KCNJ2: variants seen among roughly 807,000 people sequenced by gnomAD.
KCNJ2 encodes inward rectifier potassium channel 2.
KCNJ2 carries 12 observed loss-of-function variants against 28.4 expected under a neutral mutation model. That is an observed-to-expected ratio of 0.42 (90% CI 0.27 to 0.68). The LOEUF (loss-of-function observed/expected upper bound fraction) is 0.68. Among genes scored for constraint, KCNJ2 ranks in the 30% least tolerant of loss-of-function variants. The probability of loss-of-function intolerance (pLI) is 0.23; values close to 1 mark genes in which losing one functional copy is unlikely to be tolerated. For missense variants in KCNJ2, 320 were observed against 551.3 expected (o/e 0.58, Z 4.20); for synonymous variants, 200 against 203.2 (o/e 0.98, Z 0.13).
Position 70,175,663 on chromosome 17 carries a change from G to A in KCNJ2, c.624G>A (p.Leu208=), listed in dbSNP as rs1166144106. The part of the protein sequence containing the change: ...NAVIAMRDGK[L]CLMWRVGNLR... Reference sequence around the variant, plus strand: ...TGATTGCCATGAGAGACGGCAAGCTGTGTTTGATGTGGCGAGTGGGCAATC... The same window carrying A: ...TGATTGCCATGAGAGACGGCAAGCTATGTTTGATGTGGCGAGTGGGCAATC... The change falls in exon 2 of 2, where the codon CTG becomes CTA. Residue 208 remains leucine (L), a synonymous_variant. Coordinates refer to ENST00000243457, the MANE Select transcript of KCNJ2 (RefSeq NM_000891.3). The surrounding 1 kb of genome is among the most constrained non-coding windows in gnomAD (Gnocchi z 8.3). 6.2e-7 allele frequency: 1 copy of A among 1,614,102 alleles called. No individual in the cohort carries two copies. The highest frequency in any genetic ancestry group is 1.3e-5 in the African/African-American group (1 of 74,934).
intron 1 of KCNJ2, among the ~76,000 whole-genome samples, chr17:70,173,854 G>A (rs1470439461): frequency 6.6e-6 from 1 of 152,072 alleles, no homozygotes; most frequent in African/African-American, 2.4e-5. Context: ...TTGGCACAAC[G>A]GTGCTTACTT....
rs1180590018 is a variant in KCNJ2 at position 70,174,126 on chromosome 17, C to T, written c.-216-698C>T. 2.0e-5 allele frequency among the ~76,000 whole-genome samples: 3 copies of T among 152,156 alleles called. No homozygotes were observed. In the East Asian group the frequency reaches 5.8e-4, roughly 29 times the overall value. ...TATTATAAGCAATAGGGGCAGTATT[C>T]ACCATCGTAGGAGGTTTTGTCCACT... On this transcript the variant is annotated intron_variant, in intron 1 of 1. Coordinates refer to ENST00000243457, the MANE Select transcript of KCNJ2 (RefSeq NM_000891.3).
rs1404477748 is a variant in KCNJ2 at position 70,178,737 on chromosome 17, A to G, written c.*2414A>G. 6.0e-6 allele frequency: 1 copy of G among 166,830 alleles called. No homozygotes were observed. Among genetic ancestry groups the G allele is most frequent in the East Asian group, 1.9e-4 (1 of 5,204 alleles). 10.3% of individuals were successfully genotyped at this position (166,830 alleles called of 1,614,324 possible). ...AAAAAATATAAAATTTCTGGTGCAC[A>G]GGTTTGTTTTTTCAAGAAAATTTTG... is the stretch of plus-strand genomic sequence containing the variant. On this transcript the variant is annotated 3_prime_UTR_variant, in exon 2 of 2. Transcript: ENST00000243457.
At position 70,174,867 on chromosome 17, in the gene KCNJ2, C is replaced by T; in HGVS notation, c.-173C>T. The T allele has an allele frequency of 4.4e-6, 3 of 682,486 alleles. No homozygotes were observed. In the Admixed American group the frequency reaches 6.3e-5, roughly 14 times the overall value. 42.3% of individuals were successfully genotyped at this position (682,486 alleles called of 1,614,324 possible). On this transcript the variant is annotated 5_prime_UTR_variant, in exon 2 of 2. Coordinates refer to ENST00000243457, the MANE Select transcript of KCNJ2 (RefSeq NM_000891.3). Reference sequence around the variant, plus strand: ...CAGCTGAGTCATTAAAGTAACTCTGCATGTCAGTAGACAGACCTTGGTAGA... The same window carrying T: ...CAGCTGAGTCATTAAAGTAACTCTGTATGTCAGTAGACAGACCTTGGTAGA...
At position 70,175,134 on chromosome 17, in the gene KCNJ2, A is replaced by G; in HGVS notation, c.95A>G (p.Asn32Ser). 1.9e-6 allele frequency: 3 copies of G among 1,614,172 alleles called. No homozygotes were observed. The highest frequency in any genetic ancestry group is 2.5e-6 in the Non-Finnish European group (3 of 1,180,020). ...ATMAVANGFG[N>S]GKSKVHTRQQ... is the part of the protein sequence containing the mutation. ...ATGGCAGTTGCAAATGGCTTTGGGA[A>G]CGGGAAGAGTAAAGTCCACACCCGA... Residue 32 changes from asparagine (N) to serine (S), a missense_variant, in exon 2 of 2, where the codon AAC becomes AGC. By Grantham distance (46) the Asn-to-Ser change is conservative (BLOSUM62 1). Around this residue, in one of 3 missense-constraint regions of KCNJ2, gnomAD observed 54 missense variants for 63.0 expected, o/e 0.86. Transcript: ENST00000243457. The surrounding 1 kb of genome is among the most constrained non-coding windows in gnomAD (Gnocchi z 8.3).
At position 70,179,657 on chromosome 17, in the gene KCNJ2, C is replaced by T. The variant is rs2074416101; in HGVS notation, c.*3334C>T. On this transcript the variant is annotated 3_prime_UTR_variant, in exon 2 of 2. Coordinates refer to ENST00000243457, the MANE Select transcript of KCNJ2 (RefSeq NM_000891.3). ...AGTTCTGTCCCGTAAATCATATTTC[C>T]CTTACAATTAATAAATGTCACTTCA... is the stretch of plus-strand genomic sequence containing the variant. 1 of 166,296 alleles carries T rather than the reference C, an allele frequency of 6.0e-6. No homozygotes were observed. The highest frequency in any genetic ancestry group is 1.5e-5 in the Non-Finnish European group (1 of 68,084). 10.3% of individuals were successfully genotyped at this position (166,296 alleles called of 1,614,324 possible).
rs2144382739 is a variant in KCNJ2, at chr17:70,179,681, C to T, written c.*3358C>T. On this transcript the variant is annotated 3_prime_UTR_variant, in exon 2 of 2. Coordinates refer to ENST00000243457, the MANE Select transcript of KCNJ2 (RefSeq NM_000891.3). ...CCCTTACAATTAATAAATGTCACTT[C>T]ATATTTTATAATAAACCACTCAGTA... The T allele has an allele frequency of 6.0e-6, 1 of 166,488 alleles. No homozygotes were observed. The highest frequency in any genetic ancestry group is 2.4e-5 in the African/African-American group (1 of 41,530). The allele number at this position is 166,488 out of a possible 1,614,324, so 10.3% of individuals were successfully genotyped here.
At chr17:70,170,924 G>T (rs1314613135) in intron 1 of KCNJ2, among the ~76,000 whole-genome samples, 1 of 151,918 alleles carries the variant, frequency 6.6e-6, no homozygotes, top group Non-Finnish European at 1.5e-5. Flanking sequence ...AATGTTCTTG[G>T]TCTCCATAAG....
chr17:70,171,113 A>G (rs552110793), intron 1 of KCNJ2, among the ~76,000 whole-genome samples: 1 of 152,186 alleles, frequency 6.6e-6, no homozygotes, highest in Non-Finnish European at 1.5e-5. Flanking sequence ...AGTGTTTCAG[A>G]TTTTTTTAAG....
chr17:70,176,260 C>A lies in KCNJ2; in HGVS notation c.1221C>A (p.Asp407Glu). ...GTACGGACACGCCCCCTGACATAGA[C>A]CTTCACAACCAGGCAAGTGTACCTC... ...STSTDTPPDI[D>E]LHNQASVPLE... Residue 407 changes from aspartate (D) to glutamate (E), a missense_variant, in exon 2 of 2, where the codon GAC (aspartate) becomes GAA (glutamate). Transcript: ENST00000243457. 1 of 1,614,130 alleles carries A rather than the reference C, an allele frequency of 6.2e-7. No individual in the cohort carries two copies. Among genetic ancestry groups the A allele is most frequent in the Middle Eastern group, 1.6e-4 (1 of 6,062 alleles).
In KCNJ2 at chr17:70,174,888, G is replaced by T. The variant is rs1247633970; in HGVS notation, c.-152G>T. 1 of 752,002 alleles carries T rather than the reference G, an allele frequency of 1.3e-6. No homozygotes were observed. Among genetic ancestry groups the T allele is most frequent in the African/African-American group, 1.8e-5 (1 of 56,662 alleles). The allele number at this position is 752,002 out of a possible 1,614,324, so 46.6% of individuals were successfully genotyped here. On this transcript the variant is annotated 5_prime_UTR_variant, in exon 2 of 2. Transcript: ENST00000243457. ...TCTGCATGTCAGTAGACAGACCTTG[G>T]TAGAACCACAAGGCTCCCAGAGACA...
chr17:70,175,926 T>A lies in KCNJ2; in HGVS notation c.887T>A (p.Val296Asp). Residue 296 changes from valine to aspartate, a missense_variant, in exon 2 of 2, where the codon GTC (valine) becomes GAC (aspartate). Around this residue, in one of 3 missense-constraint regions of KCNJ2, gnomAD observed 155 missense variants for 231.6 expected, o/e 0.67. Transcript: ENST00000243457. This position sits in a 1 kb window ranked among gnomAD's most constrained non-coding sequence, Gnocchi z 8.3. ...DIDNADFEIV[V>D]ILEGMVEATA... is the part of the protein sequence containing the mutation. ...GACAACGCAGACTTTGAAATCGTGG[T>A]CATACTGGAAGGCATGGTGGAAGCC... 6.2e-7 allele frequency: 1 copy of A among 1,614,142 alleles called. No individual in the cohort carries two copies. Among genetic ancestry groups the A allele is most frequent in the Non-Finnish European group, 8.5e-7 (1 of 1,180,038 alleles).
rs2074395820 is a variant in KCNJ2 at position 70,176,774 on chromosome 17, T to A, written c.*451T>A. The A allele has an allele frequency of 5.2e-6, 1 of 193,168 alleles. No homozygotes were observed. Among genetic ancestry groups the A allele is most frequent in the African/African-American group, 2.4e-5 (1 of 41,870 alleles). 12.0% of individuals were successfully genotyped at this position (193,168 alleles called of 1,614,324 possible). A position where few individuals can be genotyped will look rare whatever the true frequency, so the allele number is the denominator to read the frequency against. ...GTGTAGTTTTCCTTTTGTGTAATTT[T>A]AAAGTCAGTGTTGAATTTTATTGAA... On this transcript the variant is annotated 3_prime_UTR_variant, in exon 2 of 2. Transcript: ENST00000243457.
In KCNJ2 at chr17:70,175,660, G is replaced by A. The variant is rs761179414; in HGVS notation, c.621G>A (p.Lys207=). 2 of 1,614,234 alleles carry A rather than the reference G, an allele frequency of 1.2e-6. No homozygotes were observed. The highest frequency in any genetic ancestry group is 1.7e-6 in the Non-Finnish European group (2 of 1,180,040). ...HNAVIAMRDG[K]LCLMWRVGNL... is the part of the protein sequence containing the mutation. ...CCGTGATTGCCATGAGAGACGGCAA[G>A]CTGTGTTTGATGTGGCGAGTGGGCA... Residue 207 remains lysine, a synonymous_variant, in exon 2 of 2, where the codon AAG becomes AAA. Coordinates refer to ENST00000243457, the MANE Select transcript of KCNJ2 (RefSeq NM_000891.3). This position sits in a 1 kb window ranked among gnomAD's most constrained non-coding sequence, Gnocchi z 8.3.
chr17:70,171,493 C>A (rs2074364700), intron 1 of KCNJ2, among the ~76,000 whole-genome samples: 2 of 152,120 alleles, frequency 1.3e-5, no homozygotes, highest in South Asian at 4.1e-4. Flanking sequence ...TATTGCACAC[C>A]ATGACCATAT....
At chr17:70,170,260 G>A (rs988151481) in intron 1 of KCNJ2, among the ~76,000 whole-genome samples, 2 of 151,976 alleles carry the variant, frequency 1.3e-5, no homozygotes, top group African/African-American at 4.8e-5. Flanking sequence ...GCGGGAGCCC[G>A]AGTTGGATTT....
chr17:70,175,594 G>A lies in KCNJ2; in HGVS notation c.555G>A (p.Lys185=). The A allele has an allele frequency of 6.2e-7, 1 of 1,614,196 alleles. No homozygotes were observed. The highest frequency in any genetic ancestry group is 8.5e-7 in the Non-Finnish European group (1 of 1,180,036). ...GCGCAGTCATGGCCAAGATGGCAAA[G>A]CCAAAGAAGAGAAACGAGACTCTTG... is the stretch of plus-strand genomic sequence containing the variant. ...IIGAVMAKMA[K]PKKRNETLVF... Residue 185 remains lysine, a synonymous_variant, in exon 2 of 2, where the codon AAG becomes AAA. Transcript: ENST00000243457. This position sits in a 1 kb window ranked among gnomAD's most constrained non-coding sequence, Gnocchi z 8.3.
chr17:70,177,820 G>A lies in KCNJ2; in HGVS notation c.*1497G>A, dbSNP rs1448610901. 1 of 167,086 alleles carries A rather than the reference G, an allele frequency of 6.0e-6. No homozygotes were observed. Among genetic ancestry groups the A allele is most frequent in the African/African-American group, 2.4e-5 (1 of 41,452 alleles). The allele number at this position is 167,086 out of a possible 1,614,324, so 10.4% of individuals were successfully genotyped here. A position where few individuals can be genotyped will look rare whatever the true frequency, so the allele number is the denominator to read the frequency against. The stretch of plus-strand genomic sequence containing the variant: ...CCATAAAAATATAACATAATCACAA[G>A]TAAAGGAGATAATGGTCTAAAACAG... On this transcript the variant is annotated 3_prime_UTR_variant, in exon 2 of 2. Transcript: ENST00000243457.
Position 70,177,129 on chromosome 17 carries a change from T to C in KCNJ2, c.*806T>C, listed in dbSNP as rs2074397824. The C allele has an allele frequency of 6.0e-6, 1 of 167,162 alleles. No individual in the cohort carries two copies. Among genetic ancestry groups the C allele is most frequent in the South Asian group, 2.1e-4 (1 of 4,834 alleles). The allele number at this position is 167,162 out of a possible 1,614,324, so 10.4% of individuals were successfully genotyped here. A position where few individuals can be genotyped will look rare whatever the true frequency, so the allele number is the denominator to read the frequency against. On this transcript the variant is annotated 3_prime_UTR_variant, in exon 2 of 2. Coordinates refer to ENST00000243457, the MANE Select transcript of KCNJ2 (RefSeq NM_000891.3). ...TGCCTTGAAATCAAGAGACAATAAC[T>C]TTGAACCTCAGCAAGACCTTGAACC... is the stretch of plus-strand genomic sequence containing the variant.
Sources: allele counts gnomAD v4.1 joint callset (sites outside exome capture counted in the v4.1 genomes callset), GRCh38; gene constraint gnomAD v4.1.1; regional missense constraint gnomAD v4.1.1; non-coding constraint Gnocchi (gnomAD v3.1); transcripts MANE v1.5; gene names NCBI Gene and HGNC (gene_info 2026-07-23, HGNC 2026-07-21).